SPAM1: variants seen among roughly 807,000 people sequenced by gnomAD.
The protein encoded by SPAM1 is hyaluronidase PH-20.
Under a neutral mutation model 29.6 loss-of-function variants are expected in SPAM1, and 22 were observed. The ratio of observed to expected loss-of-function variants is 0.74; its 90% CI spans 0.53 to 1.06. SPAM1 has a LOEUF of 1.06. Ranked by LOEUF, SPAM1 falls within the 50% of genes least tolerant of loss-of-function variation. The pLI is 0.00. For missense variants in SPAM1, 534 were observed against 604.0 expected, an observed-to-expected ratio of 0.88 and a Z score of 1.21; for synonymous variants, 194 against 204.6, an observed-to-expected ratio of 0.95 and a Z score of 0.44.
intron 4 of SPAM1, among the ~76,000 whole-genome samples, chr7:123,957,405 T>C (rs1297171015): frequency 6.6e-6 from 1 of 151,994 alleles, no homozygotes; most frequent in Non-Finnish European, 1.5e-5. Flanking sequence ...ATAGCTACTA[T>C]ATCTAAGGTA....
At chr7:123,945,687 A>G (rs1434714176) in intron 1 of SPAM1, among the ~76,000 whole-genome samples, 6 of 152,224 alleles carry the variant, frequency 3.9e-5, no homozygotes, top group Non-Finnish European at 7.4e-5. Context: ...GCCTCTTTAG[A>G]TTTTCCCTGG....
downstream of SPAM1, among the ~76,000 whole-genome samples, chr7:123,961,177 G>A (rs1270132067): frequency 6.6e-6 from 1 of 151,798 alleles, no homozygotes; most frequent in Non-Finnish European, 1.5e-5. Context: ...TTGGGAACAT[G>A]TAAGATTCTC....
chr7:123,950,046 A>C (rs1034180871), intron 2 of SPAM1, 63 bp downstream of exon 2: 1 of 151,966 alleles, frequency 6.6e-6, no homozygotes, highest in African/African-American at 2.4e-5. Context: ...TTAAGAAGGA[A>C]TTATCTGCAC....
At chr7:123,939,149 G>C (rs1584950702) in intron 1 of SPAM1, among the ~76,000 whole-genome samples, 2 of 148,806 alleles carry the variant, frequency 1.3e-5, no homozygotes, top group African/African-American at 5.0e-5. Context: ...GCAGTGGTGC[G>C]ATCTCGGCTC....
At chr7:123,931,650 C>A (rs1808082910) in intron 1 of SPAM1, among the ~76,000 whole-genome samples, 1 of 152,188 alleles carries the variant, frequency 6.6e-6, no homozygotes, top group Admixed American at 6.5e-5. Flanking sequence ...CCTGTATATA[C>A]ACATTGAATA....
chr7:123,926,638 C>G (rs1807894732), intron 1 of SPAM1, among the ~76,000 whole-genome samples: 1 of 152,036 alleles, frequency 6.6e-6, no homozygotes, highest in African/African-American at 2.4e-5. Flanking sequence ...AGGCATGAGA[C>G]ATTAGTCAAA....
intron 1 of SPAM1, among the ~76,000 whole-genome samples, chr7:123,947,994 G>T (rs3808169): frequency 0.56 from 84,929 of 151,766 alleles, 24,167 homozygotes; most frequent in African/African-American, 0.64. Context: ...GGAATAATTT[G>T]ACAATAATAA....
At chr7:123,930,036 A>G (rs1808023010) in intron 1 of SPAM1, among the ~76,000 whole-genome samples, 1 of 151,816 alleles carries the variant, frequency 6.6e-6, no homozygotes, top group Admixed American at 6.6e-5. Context: ...GGTCAGGGAT[A>G]GTTTGGAATT....
chr7:123,944,648 C>G (rs1808519357), intron 1 of SPAM1, among the ~76,000 whole-genome samples: 1 of 151,962 alleles, frequency 6.6e-6, no homozygotes, highest in African/African-American at 2.4e-5. Flanking sequence ...CAATTTAAAG[C>G]CAAGAGCACA....
intron 1 of SPAM1, among the ~76,000 whole-genome samples, chr7:123,938,858 C>T (rs954267506): frequency 3.3e-5 from 5 of 152,148 alleles, no homozygotes; most frequent in Non-Finnish European, 2.9e-5. Flanking sequence ...TAAACTTCAG[C>T]CTAACTTGGT....
intron 1 of SPAM1, among the ~76,000 whole-genome samples, chr7:123,938,866 G>A (rs1381626438): frequency 1.3e-5 from 2 of 152,208 alleles, no homozygotes; most frequent in East Asian, 3.9e-4. Flanking sequence ...AGCCTAACTT[G>A]GTACTGAGCC....
At chr7:123,931,673 T>C (rs1192102037) in intron 1 of SPAM1, among the ~76,000 whole-genome samples, 1 of 152,132 alleles carries the variant, frequency 6.6e-6, no homozygotes, top group Non-Finnish European at 1.5e-5. Context: ...CTTGCATGCC[T>C]TTTTTTCCAA....
chr7:123,941,345 AAT>A (rs1808421507), intron 1 of SPAM1, among the ~76,000 whole-genome samples: 1 of 152,204 alleles, frequency 6.6e-6, no homozygotes, highest in South Asian at 2.1e-4. Flanking sequence ...GACATTAATC[AAT>A]ATGTGTAAGA....
chr7:123,953,954 G>A lies in SPAM1; in HGVS notation c.384G>A (p.Lys128=). ...TACAAGACCATCTGGACAAAGCTAA[G>A]AAAGACATTACATTTTATATGCCAG... ...ISLQDHLDKA[K]KDITFYMPVD... is the part of the protein sequence containing the mutation. The change falls in exon 3 of 5, where the codon AAG becomes AAA. Residue 128 remains lysine (K), a synonymous_variant. Coordinates refer to ENST00000682466, the MANE Select transcript of SPAM1 (RefSeq NM_153189.3). 2 of 1,613,740 alleles carry A rather than the reference G, an allele frequency of 1.2e-6. No homozygotes were observed. Among genetic ancestry groups the A allele is most frequent in the South Asian group, 2.2e-5 (2 of 91,076 alleles).
chr7:123,957,634 T>G (rs1313885539), intron 4 of SPAM1, among the ~76,000 whole-genome samples: 1 of 152,066 alleles, frequency 6.6e-6, no homozygotes, highest in African/African-American at 2.4e-5. Flanking sequence ...CTTGTAGTTC[T>G]CAGATCAGAA....
chr7:123,971,397 GT>G (rs1469475562), exon 7 of SPAM1: 2 of 151,800 alleles, frequency 1.3e-5, no homozygotes, highest in Non-Finnish European at 2.9e-5. Flanking sequence ...ATAAATTTTG[GT>G]TTTGCTCAAA....
intron 1 of SPAM1, among the ~76,000 whole-genome samples, chr7:123,937,372 C>T (rs550709714): frequency 1.4e-4 from 22 of 152,118 alleles, no homozygotes; most frequent in South Asian, 4.2e-4. Context: ...GAGGCCAAGG[C>T]GGGCGGATCA....
chr7:123,947,620 AG>A (rs1808626090), intron 1 of SPAM1: 1 of 145,702 alleles, frequency 6.9e-6, no homozygotes, highest in Admixed American at 6.8e-5. Context: ...ACACACACAC[AG>A]ACAGGTTCAC....
chr7:123,940,588 G>A (rs1021296382), intron 1 of SPAM1, among the ~76,000 whole-genome samples: 4 of 151,700 alleles, frequency 2.6e-5, no homozygotes, highest in South Asian at 2.1e-4. Flanking sequence ...TCCTGGCTTA[G>A]AATGATTCTC....
Sources: gnomAD v4.1 joint callset for allele counts (sites outside exome capture counted in the v4.1 genomes callset) on GRCh38, gnomAD v4.1.1 for gene constraint, MANE v1.5 for transcripts, NCBI Gene and HGNC (gene_info 2026-07-23, HGNC 2026-07-21) for gene names.